Variants in PABPC4L observed in about 807,000 individuals in gnomAD.
The protein encoded by PABPC4L is polyadenylate-binding protein 4-like.
For synonymous variants in PABPC4L, 169 were observed against 164.1 expected (o/e 1.03, Z -0.23); for missense variants, 452 against 451.4 (o/e 1.00, Z -0.01).
the PABPC4L span, among the ~76,000 whole-genome samples, chr4:134,171,322 G>T: frequency 1.3e-5 from 2 of 152,016 alleles, no homozygotes; most frequent in South Asian, 2.1e-4. Context: ...CACCATGTTG[G>T]CCAGGTTGGT....
chr4:134,140,819 G>T, the PABPC4L span, among the ~76,000 whole-genome samples: 3 of 151,698 alleles, frequency 2.0e-5, no homozygotes, highest in Non-Finnish European at 4.4e-5. Flanking sequence ...AAGGTGACTG[G>T]ATGGTAGTAG....
chr4:134,195,333 T>C (rs1486033926), downstream of PABPC4L, among the ~76,000 whole-genome samples: 1 of 151,666 alleles, frequency 6.6e-6, no homozygotes, highest in African/African-American at 2.4e-5. Flanking sequence ...AAATCAAAAT[T>C]GTGATGCCCT....
the PABPC4L span, among the ~76,000 whole-genome samples, chr4:134,059,645 A>C: frequency 1.3e-5 from 2 of 151,540 alleles, no homozygotes; most frequent in Non-Finnish European, 2.9e-5. Flanking sequence ...CTATAGAAAT[A>C]ATATTATAGA....
the PABPC4L span, among the ~76,000 whole-genome samples, chr4:134,106,233 T>C: frequency 6.6e-6 from 1 of 151,670 alleles, no homozygotes; most frequent in Non-Finnish European, 1.5e-5. Flanking sequence ...ATCATGCTCC[T>C]GGTGCTTTCC....
the PABPC4L span, among the ~76,000 whole-genome samples, chr4:134,178,289 A>G: frequency 5.3e-5 from 8 of 151,474 alleles, no homozygotes; most frequent in Admixed American, 1.3e-4. Context: ...CCAGGAATGA[A>G]CTAGAATTGA....
chr4:134,062,358 C>T, the PABPC4L span, among the ~76,000 whole-genome samples: 1 of 151,994 alleles, frequency 6.6e-6, no homozygotes, highest in African/African-American at 2.4e-5. Flanking sequence ...ATTGCATTTA[C>T]TCTTTTCTAA....
At chr4:134,018,784 A>G in the PABPC4L span, among the ~76,000 whole-genome samples, 1 of 152,144 alleles carries the variant, frequency 6.6e-6, no homozygotes, top group South Asian at 2.1e-4. Context: ...ATTAAAATAT[A>G]ATTAATTGAT....
chr4:134,185,311 C>T, the PABPC4L span, among the ~76,000 whole-genome samples: 1 of 152,054 alleles, frequency 6.6e-6, no homozygotes, highest in African/African-American at 2.4e-5. Context: ...AAACCGGATC[C>T]AGCAGCACAT....
At chr4:134,107,552 C>A in the PABPC4L span, among the ~76,000 whole-genome samples, 2 of 151,510 alleles carry the variant, frequency 1.3e-5, no homozygotes, top group Non-Finnish European at 3.0e-5. Flanking sequence ...AGCTTAAGAT[C>A]ATTAAATTCA....
the PABPC4L span, among the ~76,000 whole-genome samples, chr4:134,057,158 T>C: frequency 6.6e-6 from 1 of 152,216 alleles, no homozygotes; most frequent in East Asian, 1.9e-4. Context: ...TGATTTCTCA[T>C]GCTGACATCT....
chr4:134,162,436 T>G, the PABPC4L span, among the ~76,000 whole-genome samples: 2 of 152,142 alleles, frequency 1.3e-5, no homozygotes, highest in East Asian at 3.9e-4. Flanking sequence ...AACACTCCAC[T>G]GACAGCAGTA....
the PABPC4L span, among the ~76,000 whole-genome samples, chr4:134,031,167 A>G: frequency 6.6e-6 from 1 of 151,980 alleles, no homozygotes. Context: ...ATGTGCTTAT[A>G]TCTTAAATCC....
chr4:133,979,950 T>G, the PABPC4L span, among the ~76,000 whole-genome samples: 1 of 152,168 alleles, frequency 6.6e-6, no homozygotes, highest in African/African-American at 2.4e-5. Flanking sequence ...TTATATGTAT[T>G]TCTATTTTCT....
the PABPC4L span, among the ~76,000 whole-genome samples, chr4:134,075,885 T>A: frequency 6.6e-6 from 1 of 152,092 alleles, no homozygotes; most frequent in Non-Finnish European, 1.5e-5. Flanking sequence ...CCAAAATATA[T>A]ATTGATTGTT....
the PABPC4L span, among the ~76,000 whole-genome samples, chr4:133,983,500 AAG>A: frequency 6.6e-6 from 1 of 151,850 alleles, no homozygotes; most frequent in Non-Finnish European, 1.5e-5. Flanking sequence ...AAAAACAAGA[AAG>A]AAATAATAAC....
chr4:134,165,341 G>T, the PABPC4L span, among the ~76,000 whole-genome samples: 1 of 152,028 alleles, frequency 6.6e-6, no homozygotes, highest in Non-Finnish European at 1.5e-5. Context: ...TCATAGTAAA[G>T]AGAAAACCCA....
the PABPC4L span, among the ~76,000 whole-genome samples, chr4:134,181,460 A>T: frequency 6.6e-6 from 1 of 152,066 alleles, no homozygotes; most frequent in Admixed American, 6.6e-5. Flanking sequence ...AAACTGGAAC[A>T]AAACAAGGTT....
At chr4:133,978,641 C>A in the PABPC4L span, among the ~76,000 whole-genome samples, 4 of 152,074 alleles carry the variant, frequency 2.6e-5, no homozygotes, top group East Asian at 7.7e-4. Context: ...CAGCCTTGCT[C>A]ACATGTTTTA....
the PABPC4L span, among the ~76,000 whole-genome samples, chr4:133,953,903 C>T: frequency 6.6e-6 from 1 of 152,182 alleles, no homozygotes; most frequent in Non-Finnish European, 1.5e-5. Flanking sequence ...AGCTGTTCTG[C>T]TAAACCAAGC....
Sources: gnomAD v4.1 joint callset for allele counts (sites outside exome capture counted in the v4.1 genomes callset) on GRCh38, gnomAD v4.1.1 for gene constraint, MANE v1.5 for transcripts, NCBI Gene and HGNC (gene_info 2026-07-23, HGNC 2026-07-21) for gene names.